The following ABLIM2 variants were observed in gnomAD, a reference collection of about 807,000 sequenced individuals.
The protein encoded by ABLIM2 is actin binding LIM protein family member 2.
In ABLIM2, 53 loss-of-function variants were observed where a neutral mutation model predicts 97.7. The ratio of observed to expected loss-of-function variants is 0.54; its 90% CI spans 0.44 to 0.68. The LOEUF (loss-of-function observed/expected upper bound fraction) is 0.68, where lower values mean the gene tolerates loss of function less well. Ranked by LOEUF, ABLIM2 falls within the 30% of genes least tolerant of loss-of-function variation. The probability of loss-of-function intolerance (pLI) is 0.00; values close to 1 mark genes in which losing one functional copy is unlikely to be tolerated. For synonymous variants in ABLIM2, 361 were observed against 345.8 expected, an observed-to-expected ratio of 1.04 and a Z score of -0.49; for missense variants, 835 against 867.2, an observed-to-expected ratio of 0.96 and a Z score of 0.47.
intron 1 of ABLIM2, among the ~76,000 whole-genome samples, chr4:8,139,210 C>T (rs1204138984): frequency 4.1e-5 from 5 of 121,452 alleles, no homozygotes; most frequent in Admixed American, 1.0e-4. Flanking sequence ...AAAGAGAAAA[C>T]GGAAAAGGGA....
At chr4:8,020,339 G>A in intron 12 of ABLIM2, 36 bp from the exon 13 acceptor site, 1 of 1,554,252 alleles carries the variant, frequency 6.4e-7, no homozygotes, top group Non-Finnish European at 8.9e-7. Context: ...AGATAGAAGG[G>A]GAAACGGGAA....
chr4:7,983,158 C>G, intron 20 of ABLIM2, 106 bp downstream of exon 20: 1 of 1,176,576 alleles, frequency 8.5e-7, no homozygotes, highest in Non-Finnish European at 1.2e-6. Context: ...TCTGCACTGT[C>G]CCCCACGGTG....
Position 8,061,334 on chromosome 4 carries a change from G to T in ABLIM2, c.676-280C>A, listed in dbSNP as rs1802934310. ...GCAGCTCCCTGCCGGGGTAGTCCAG[G>T]AGGGGTCAGCCTCCTTTACCAGGCG... On this transcript the variant is annotated intron_variant, in intron 6 of 20. Transcript: ENST00000447017. The surrounding 1 kb of genome is among the most constrained non-coding windows in gnomAD (Gnocchi z 4.5). Among the ~76,000 whole-genome samples, 1 of 152,148 alleles carries T rather than the reference G, an allele frequency of 6.6e-6. No homozygotes were observed. Among genetic ancestry groups the T allele is most frequent in the Non-Finnish European group, 1.5e-5 (1 of 68,022 alleles).
At chr4:8,007,497 C>T (rs1230094587) in intron 16 of ABLIM2, 7 of 985,512 alleles carry the variant, frequency 7.1e-6, no homozygotes, top group Non-Finnish European at 8.4e-6. Context: ...TTACAGCGGC[C>T]GGAAGCAAAC....
chr4:8,144,146 C>T (rs1316580545), intron 1 of ABLIM2, among the ~76,000 whole-genome samples: 13 of 152,156 alleles, frequency 8.5e-5, no homozygotes, highest in Admixed American at 6.5e-4. Flanking sequence ...GGGTGCCTGG[C>T]AGAGTTGGGG....
chr4:8,143,158 G>GT (rs1445912453), intron 1 of ABLIM2, among the ~76,000 whole-genome samples: 1,307 of 125,278 alleles, frequency 0.01, 73 homozygotes, highest in African/African-American at 0.03. Flanking sequence ...GGGGGCGAGA[G>GT]TGGGGGGGGG....
intron 8 of ABLIM2, among the ~76,000 whole-genome samples, chr4:8,051,715 CCAAACATGG>C (rs1796168577): frequency 6.6e-6 from 1 of 152,222 alleles, no homozygotes. Context: ...CTGGGTCCAC[CCAAACATGG>C]CGATTCCTGT....
At chr4:8,077,972 G>C (rs1017998544) in intron 5 of ABLIM2, among the ~76,000 whole-genome samples, 2 of 152,228 alleles carry the variant, frequency 1.3e-5, no homozygotes, top group Non-Finnish European at 2.9e-5. Flanking sequence ...CACCTGCCCA[G>C]TGGGTGGGAG....
chr4:8,085,504 G>A lies in ABLIM2; in HGVS notation c.454+2665C>T, dbSNP rs532307102. 7.4e-5 allele frequency among the ~76,000 whole-genome samples: 11 copies of A among 148,078 alleles called. No homozygotes were observed. The highest frequency in any genetic ancestry group is 2.2e-4 in the South Asian group (1 of 4,638). On this transcript the variant is annotated intron_variant, in intron 4 of 20. Coordinates refer to ENST00000447017, the MANE Select transcript of ABLIM2 (RefSeq NM_001130083.2). This position sits in a 1 kb window ranked among gnomAD's most constrained non-coding sequence, Gnocchi z 6.1. ...CTGGGGGTGCCCACGCTGCAGTCCC[G>A]TCCACTCACACGGCTCTGGGGGTGC...
chr4:8,069,688 T>C lies in ABLIM2; in HGVS notation c.675+7940A>G, dbSNP rs1810489427. On this transcript the variant is annotated intron_variant, in intron 6 of 20. Coordinates refer to ENST00000447017, the MANE Select transcript of ABLIM2 (RefSeq NM_001130083.2). This position sits in a 1 kb window ranked among gnomAD's most constrained non-coding sequence, Gnocchi z 4.2. ...CATTTCTGTGTGTCTCTGTGTGTGT[T>C]TGTGTGTTGTCTGTGTGTTGCTATG... 6.6e-6 allele frequency among the ~76,000 whole-genome samples: 1 copy of C among 151,862 alleles called. No homozygotes were observed. Among genetic ancestry groups the C allele is most frequent in the Admixed American group, 6.6e-5 (1 of 15,256 alleles).
At chr4:8,101,159 G>A (rs935449278) in intron 2 of ABLIM2, among the ~76,000 whole-genome samples, 3 of 152,202 alleles carry the variant, frequency 2.0e-5, no homozygotes, top group African/African-American at 7.2e-5. Flanking sequence ...GAACCCCAGG[G>A]GCCTGAGTGA....
chr4:8,036,626 G>T (rs1784637689), intron 9 of ABLIM2, among the ~76,000 whole-genome samples: 1 of 152,228 alleles, frequency 6.6e-6, no homozygotes, highest in South Asian at 2.1e-4. Flanking sequence ...CTGAGGCCCA[G>T]CCACAAAAGA....
rs1414831106 is a variant in ABLIM2, at chr4:8,147,442, G to A, written c.10+11238C>T. 6.6e-6 allele frequency among the ~76,000 whole-genome samples: 1 copy of A among 152,142 alleles called. No homozygotes were observed. The highest frequency in any genetic ancestry group is 1.5e-5 in the Non-Finnish European group (1 of 68,034). ...AACCTGTGACATATATGGTTAAAAG[G>A]GGAGGGGTCTTTGCAGATGTGATTT... On this transcript the variant is annotated intron_variant, in intron 1 of 20. Transcript: ENST00000447017. The surrounding 1 kb of genome is among the most constrained non-coding windows in gnomAD (Gnocchi z 5.3).
chr4:8,143,635 C>G (rs1052604556), intron 1 of ABLIM2, among the ~76,000 whole-genome samples: 1 of 152,206 alleles, frequency 6.6e-6, no homozygotes, highest in African/African-American at 2.4e-5. Flanking sequence ...TTCACTTTCT[C>G]TCTGGCCCCA....
intron 17 of ABLIM2, among the ~76,000 whole-genome samples, chr4:7,990,729 G>T (rs372785311): frequency 6.6e-6 from 1 of 152,150 alleles, no homozygotes; most frequent in African/African-American, 2.4e-5. Context: ...ATCTCCAGGG[G>T]AAGGTCATGA....
chr4:8,035,458 C>G (rs898151825), intron 10 of ABLIM2, among the ~76,000 whole-genome samples: 3 of 152,230 alleles, frequency 2.0e-5, no homozygotes, highest in South Asian at 4.1e-4. Flanking sequence ...GGGAGCCCCC[C>G]ATGCCTGGCG....
Position 8,128,129 on chromosome 4 carries a change from T to A in ABLIM2, c.11-21492A>T. 6.6e-6 allele frequency among the ~76,000 whole-genome samples: 1 copy of A among 152,190 alleles called. No homozygotes were observed. Among genetic ancestry groups the A allele is most frequent in the Non-Finnish European group, 1.5e-5 (1 of 68,022 alleles). On this transcript the variant is annotated intron_variant, in intron 1 of 20. Coordinates refer to ENST00000447017, the MANE Select transcript of ABLIM2 (RefSeq NM_001130083.2). This position sits in a 1 kb window ranked among gnomAD's most constrained non-coding sequence, Gnocchi z 4.9. ...GCTGCTGGTGGCTCCAGGCGCCCTT[T>A]GGTATGTGGCTTCAGGGCTCCTGTT...
chr4:7,993,154 A>G (rs565889659), intron 16 of ABLIM2, among the ~76,000 whole-genome samples: 1 of 152,322 alleles, frequency 6.6e-6, no homozygotes, highest in Admixed American at 6.5e-5. Context: ...TGACACCGGA[A>G]ATGCCACAGA....
intron 12 of ABLIM2, among the ~76,000 whole-genome samples, chr4:8,026,607 T>C (rs918686754): frequency 2.0e-5 from 3 of 152,254 alleles, no homozygotes; most frequent in Admixed American, 1.3e-4. Flanking sequence ...ATTGCATTGC[T>C]TGGGGAATTG....
Sources: gnomAD v4.1 joint callset for allele counts (sites outside exome capture counted in the v4.1 genomes callset) on GRCh38, gnomAD v4.1.1 for gene constraint, Gnocchi (gnomAD v3.1) non-coding constraint, MANE v1.5 for transcripts, NCBI Gene and HGNC (gene_info 2026-07-23, HGNC 2026-07-21) for gene names.